Variants in PHF24 observed in about 807,000 individuals in gnomAD.
PHF24 encodes the protein Galpha inhibitory interacting protein.
PHF24 carries 25 observed loss-of-function variants against 42.6 expected under a neutral mutation model. That is an observed-to-expected ratio of 0.59 (90% CI 0.43 to 0.82). PHF24 has a LOEUF of 0.82. PHF24 is among the 40% of genes least tolerant of loss of function. The pLI is 0.00. For missense variants in PHF24, 470 were observed against 538.1 expected (o/e 0.87, Z 1.25); for synonymous variants, 185 against 204.8 (o/e 0.90, Z 0.83).
the PHF24 span, among the ~76,000 whole-genome samples, chr9:34,931,777 A>C: frequency 3.9e-5 from 6 of 152,098 alleles, no homozygotes; most frequent in South Asian, 2.1e-4. Context: ...TTTTCTTTAT[A>C]AACAACCCAG....
At chr9:34,850,672 G>A in the PHF24 span, among the ~76,000 whole-genome samples, 1 of 152,194 alleles carries the variant, frequency 6.6e-6, no homozygotes, top group Non-Finnish European at 1.5e-5. Flanking sequence ...GAGGAGAGGT[G>A]CTCTGCTTTT....
chr9:34,675,228 G>A, the PHF24 span, among the ~76,000 whole-genome samples: 1 of 152,116 alleles, frequency 6.6e-6, no homozygotes, highest in Non-Finnish European at 1.5e-5. Context: ...TGCAGGGGGC[G>A]TCCAGTGCCT....
chr9:34,784,617 T>C, the PHF24 span, among the ~76,000 whole-genome samples: 1 of 152,204 alleles, frequency 6.6e-6, no homozygotes, highest in Non-Finnish European at 1.5e-5. Flanking sequence ...AGCTATTTCT[T>C]AACATAAACT....
the PHF24 span, among the ~76,000 whole-genome samples, chr9:34,875,129 C>G: frequency 6.6e-6 from 1 of 152,170 alleles, no homozygotes; most frequent in East Asian, 1.9e-4. Flanking sequence ...TTCCCAGCCT[C>G]TGGTAACCAT....
chr9:34,896,681 C>T, the PHF24 span, among the ~76,000 whole-genome samples: 1 of 152,148 alleles, frequency 6.6e-6, no homozygotes, highest in Admixed American at 6.6e-5. Flanking sequence ...TAACTTTAGG[C>T]AGAGCAGGAT....
chr9:34,835,369 T>C, the PHF24 span: 1 of 1,550,136 alleles, frequency 6.5e-7, no homozygotes. Flanking sequence ...CCACACGTCT[T>C]GGGAGCCCCC....
chr9:34,900,753 GT>G, the PHF24 span, among the ~76,000 whole-genome samples: 1 of 152,174 alleles, frequency 6.6e-6, no homozygotes, highest in Non-Finnish European at 1.5e-5. Flanking sequence ...TTTGGGAGGT[GT>G]TTTAGATCAT....
the PHF24 span, among the ~76,000 whole-genome samples, chr9:34,685,641 T>C: frequency 2.6e-5 from 4 of 152,190 alleles, no homozygotes; most frequent in African/African-American, 4.8e-5. Context: ...ACCAGTTGAG[T>C]TGACTTGGGA....
At chr9:34,837,788 C>G in the PHF24 span, 1 of 842,446 alleles carries the variant, frequency 1.2e-6, no homozygotes, top group Admixed American at 2.1e-5. Flanking sequence ...TTTCCACTCC[C>G]TTTCTATATA....
At chr9:34,934,438 A>G in the PHF24 span, among the ~76,000 whole-genome samples, 7 of 152,134 alleles carry the variant, frequency 4.6e-5, no homozygotes, top group African/African-American at 1.4e-4. Context: ...CCCCATCGCA[A>G]TAAATAAAGT....
chr9:34,917,607 G>A, the PHF24 span: 1 of 775,676 alleles, frequency 1.3e-6, no homozygotes, highest in East Asian at 2.4e-5. Context: ...GGGACAAATG[G>A]CCACCCCTTT....
At chr9:34,857,046 T>C in the PHF24 span, among the ~76,000 whole-genome samples, 1 of 152,120 alleles carries the variant, frequency 6.6e-6, no homozygotes, top group Non-Finnish European at 1.5e-5. Flanking sequence ...CACAGTCAGG[T>C]ATAGCAGTTG....
chr9:34,973,636 G>A (rs936101205), intron 3 of PHF24, among the ~76,000 whole-genome samples: 1 of 152,188 alleles, frequency 6.6e-6, no homozygotes, highest in Non-Finnish European at 1.5e-5. Context: ...AAGCAGAGAT[G>A]TGCCACTTTC....
chr9:34,686,675 G>C, the PHF24 span, among the ~76,000 whole-genome samples: 3 of 152,276 alleles, frequency 2.0e-5, no homozygotes, highest in South Asian at 4.2e-4. Context: ...TTGGCCTTTA[G>C]GATGGGAGGT....
chr9:34,715,793 C>T, the PHF24 span, among the ~76,000 whole-genome samples: 4 of 152,194 alleles, frequency 2.6e-5, no homozygotes, highest in Admixed American at 6.5e-5. Flanking sequence ...TCAGCAGGCC[C>T]ACTACCTCTC....
At chr9:34,851,768 A>T in the PHF24 span, among the ~76,000 whole-genome samples, 2 of 152,168 alleles carry the variant, frequency 1.3e-5, no homozygotes, top group Non-Finnish European at 2.9e-5. Context: ...CTAATTGTCG[A>T]TCACAAGTTA....
chr9:34,789,565 G>A, the PHF24 span, among the ~76,000 whole-genome samples: 25 of 152,226 alleles, frequency 1.6e-4, no homozygotes, highest in East Asian at 5.8e-4. Context: ...CAGGAGTTTG[G>A]TCTTCACACT....
the PHF24 span, among the ~76,000 whole-genome samples, chr9:34,805,418 C>T: frequency 3.3e-5 from 5 of 152,162 alleles, no homozygotes; most frequent in Admixed American, 6.5e-5. Context: ...ATGAAGTGGT[C>T]ACCCACTGTG....
the PHF24 span, among the ~76,000 whole-genome samples, chr9:34,870,212 A>G: frequency 6.6e-6 from 1 of 152,128 alleles, no homozygotes; most frequent in Non-Finnish European, 1.5e-5. Context: ...ACATTGACAC[A>G]TCATTATCAC....
Sources: gnomAD v4.1 joint callset for allele counts (sites outside exome capture counted in the v4.1 genomes callset) on GRCh38, gnomAD v4.1.1 for gene constraint, MANE v1.5 for transcripts, NCBI Gene and HGNC (gene_info 2026-07-23, HGNC 2026-07-21) for gene names.